Variants in RAB40A observed in about 807,000 individuals in gnomAD.
RAB40A encodes the protein ras-related protein Rab-40A.
For synonymous variants in RAB40A, 65 were observed against 99.9 expected (o/e 0.65, Z 2.08); for missense variants, 145 against 230.2 (o/e 0.63, Z 2.40).
chrX:103,516,794 T>C (rs917364096), intron 2 of RAB40A, among the ~76,000 whole-genome samples: 28 of 111,999 alleles, frequency 2.5e-4, no homozygotes, highest in African/African-American at 8.1e-4. Context: ...ATAAAGCTGT[T>C]ATAATTATAT....
downstream of RAB40A, among the ~76,000 whole-genome samples, chrX:103,496,337 T>A (rs1488056127): frequency 8.9e-6 from 1 of 112,348 alleles, no homozygotes; most frequent in African/African-American, 3.2e-5. Context: ...ATCATATAGT[T>A]GTGATAGTTT....
At chrX:103,505,158 G>T (rs1028077607) in intron 2 of RAB40A, among the ~76,000 whole-genome samples, 2 of 111,741 alleles carry the variant, frequency 1.8e-5, no homozygotes, top group Non-Finnish European at 3.8e-5. Context: ...TATTATCCTT[G>T]TGAGATATAT....
chrX:103,506,041 T>A (rs1234133185), intron 2 of RAB40A, among the ~76,000 whole-genome samples: 1 of 112,155 alleles, frequency 8.9e-6, no homozygotes, highest in Admixed American at 9.5e-5. Context: ...CTTGACTCTA[T>A]TAATAAAGTC....
intron 2 of RAB40A, 28 bp from the exon 3 acceptor site, chrX:103,500,854 A>C: frequency 8.9e-7 from 1 of 1,119,672 alleles, no homozygotes; most frequent in Non-Finnish European, 1.2e-6. Context: ...ATAGAACATA[A>C]AAAATGAGAT....
At chrX:103,498,477 T>C (rs763075966), downstream of RAB40A, among the ~76,000 whole-genome samples, 3 of 113,021 alleles carry the variant, frequency 2.7e-5, no homozygotes, top group African/African-American at 9.6e-5. Flanking sequence ...TGTTGTGATG[T>C]GCAGCTCAGC....
chrX:103,496,784 T>C (rs1481029218), downstream of RAB40A, among the ~76,000 whole-genome samples: 1 of 112,699 alleles, frequency 8.9e-6, no homozygotes, highest in Non-Finnish European at 1.9e-5. Context: ...CTGACTCTTA[T>C]GGAAGCTATT....
chrX:103,512,713 G>T (rs2073297064), intron 2 of RAB40A, among the ~76,000 whole-genome samples: 1 of 111,457 alleles, frequency 9.0e-6, no homozygotes, highest in African/African-American at 3.3e-5. Flanking sequence ...TCATAAAAAA[G>T]CAGTTTACAA....
intron 2 of RAB40A, among the ~76,000 whole-genome samples, chrX:103,509,643 C>A (rs1167332890): frequency 5.1e-4 from 3 of 5,845 alleles, no homozygotes; most frequent in African/African-American, 2.4e-3. Flanking sequence ...TTTCTGTTAA[C>A]AATCTTCACT....
At chrX:103,511,256 T>C (rs1419164907) in intron 2 of RAB40A, among the ~76,000 whole-genome samples, 2 of 110,706 alleles carry the variant, frequency 1.8e-5, no homozygotes, top group Non-Finnish European at 3.8e-5. Context: ...CCCAGCACTT[T>C]GGGAGGCCGA....
At chrX:103,497,284 C>G (rs2073182384), downstream of RAB40A, among the ~76,000 whole-genome samples, 1 of 111,349 alleles carries the variant, frequency 9.0e-6, no homozygotes, top group Non-Finnish European at 1.9e-5. Flanking sequence ...CTGGGGAAGT[C>G]TAAAACTTAA....
intron 2 of RAB40A, among the ~76,000 whole-genome samples, chrX:103,511,946 C>T (rs997829735): frequency 9.0e-6 from 1 of 111,265 alleles, no homozygotes; most frequent in Non-Finnish European, 1.9e-5. Context: ...ATGAAAATGC[C>T]ACTAAAGACA....
intron 1 of RAB40A, among the ~76,000 whole-genome samples, chrX:103,519,091 T>C (rs926668184): frequency 1.8e-5 from 2 of 111,854 alleles, no homozygotes; most frequent in Admixed American, 1.9e-4. Context: ...ATGAGCCCCC[T>C]GTGTAACACT....
intron 2 of RAB40A, among the ~76,000 whole-genome samples, chrX:103,507,399 CAGTCTTT>C (rs57824262): frequency 0.16 from 17,375 of 110,496 alleles, 3,469 homozygotes; most frequent in African/African-American, 0.55. Flanking sequence ...TGTTTTAATA[CAGTCTTT>C]AGTGGTTTTT....
At position 103,500,699 on chromosome X, in the gene RAB40A, C is replaced by A. The variant is rs754699682; in HGVS notation, c.58G>T (p.Val20Leu). The change falls in exon 3 of 3, where the codon GTG becomes TTG. Residue 20 changes from valine (V) to leucine (L), a missense_variant. Physicochemically the swap from Val to Leu is conservative, Grantham distance 32 (BLOSUM62 1). Coordinates refer to ENST00000304236, the MANE Select transcript of RAB40A (RefSeq NM_080879.3). ...AYDFLLKFLL[V>L]GDRDVGKSEI... ...CTCTTGCCTACGTCCCTGTCGCCCACCAGCAGGAACTTGAGCAGGAAGTCA... is the reference window on the plus strand; with the variant it reads ...CTCTTGCCTACGTCCCTGTCGCCCAACAGCAGGAACTTGAGCAGGAAGTCA... The A allele has an allele frequency of 1.2e-5, 15 of 1,209,205 alleles. No homozygotes were observed. The East Asian group carries it at 4.4e-4, about 36-fold the overall frequency.
At chrX:103,514,804 T>C (rs1397751737) in intron 2 of RAB40A, among the ~76,000 whole-genome samples, 1 of 112,154 alleles carries the variant, frequency 8.9e-6, no homozygotes, top group East Asian at 2.8e-4. Context: ...ATGATTTGTA[T>C]CAATTTAGAA....
intron 2 of RAB40A, among the ~76,000 whole-genome samples, chrX:103,513,813 C>T (rs1017591302): frequency 1.8e-5 from 2 of 109,822 alleles, no homozygotes; most frequent in Non-Finnish European, 3.8e-5. Flanking sequence ...TAGGCTGTAG[C>T]GTGCTGTGAT....
At chrX:103,506,213 T>A (rs767250929) in intron 2 of RAB40A, among the ~76,000 whole-genome samples, 79 of 111,752 alleles carry the variant, frequency 7.1e-4, no homozygotes, top group African/African-American at 2.0e-3. Flanking sequence ...GGACTTTCAG[T>A]GTACCCTTCA....
chrX:103,504,493 A>C lies in RAB40A; in HGVS notation c.-70-3667T>G, dbSNP rs372384255. Among the ~76,000 whole-genome samples the C allele has an allele frequency of 6.3e-4, 70 of 111,284 alleles. 1 individual carries two copies. Among genetic ancestry groups the C allele is most frequent in the African/African-American group, 2.1e-3 (63 of 30,680 alleles). On this transcript the variant is annotated intron_variant, in intron 2 of 2. Transcript: ENST00000304236. ...TTCAGGTCCATTTCATTGACTACAGAAAGGCATCAGAATATATATATATTT... is the reference window on the plus strand; with the variant it reads ...TTCAGGTCCATTTCATTGACTACAGCAAGGCATCAGAATATATATATATTT...
intron 2 of RAB40A, among the ~76,000 whole-genome samples, chrX:103,514,544 T>G (rs1484985637): frequency 1.8e-5 from 2 of 110,721 alleles, no homozygotes; most frequent in Admixed American, 1.9e-4. Context: ...ACAGATGGGG[T>G]TTCACCATGT....
Sources: allele counts gnomAD v4.1 joint callset (sites outside exome capture counted in the v4.1 genomes callset), GRCh38; gene constraint gnomAD v4.1.1; transcripts MANE v1.5; gene names NCBI Gene and HGNC (gene_info 2026-07-23, HGNC 2026-07-21).